Variants in INTS4 observed in about 807,000 individuals in gnomAD.
The protein encoded by INTS4 is integrator complex subunit 4.
A neutral mutation model predicts 119.5 loss-of-function variants in INTS4; 70 were observed. The ratio of observed to expected loss-of-function variants is 0.59; its 90% CI spans 0.48 to 0.71. The LOEUF (loss-of-function observed/expected upper bound fraction) is 0.71, where lower values mean the gene tolerates loss of function less well. INTS4 is among the 30% of genes least tolerant of loss of function. The pLI, the probability that INTS4 is intolerant of heterozygous loss-of-function variation, is 0.00. For synonymous variants in INTS4, 316 were observed against 419.6 expected (o/e 0.75, Z 3.02); for missense variants, 867 against 1,173.2 (o/e 0.74, Z 3.81).
At chr11:77,894,458 T>C (rs1224458086) in intron 18 of INTS4, 109 bp from the exon 19 acceptor site, 6 of 564,670 alleles carry the variant, frequency 1.1e-5, no homozygotes, top group African/African-American at 9.8e-5. Flanking sequence ...CATATTATAC[T>C]ATAAAAATGA....
chr11:77,916,524 T>C (rs1474218652), intron 15 of INTS4, among the ~76,000 whole-genome samples: 1 of 152,230 alleles, frequency 6.6e-6, no homozygotes, highest in Non-Finnish European at 1.5e-5. Context: ...TGTTATTCAG[T>C]GCATGACTGT....
chr11:77,934,951 AG>A (rs2136512149), intron 10 of INTS4, among the ~76,000 whole-genome samples: 1 of 152,338 alleles, frequency 6.6e-6, no homozygotes, highest in African/African-American at 2.4e-5. Context: ...ATGATTTTGT[AG>A]GCACTTTTAA....
At chr11:77,925,613 A>T (rs1953479084) in intron 11 of INTS4, among the ~76,000 whole-genome samples, 1 of 152,246 alleles carries the variant, frequency 6.6e-6, no homozygotes, top group Admixed American at 6.5e-5. Context: ...ATTAAAAGAG[A>T]GGCAAATCGA....
At chr11:77,969,557 AC>A (rs1855631285) in intron 4 of INTS4, among the ~76,000 whole-genome samples, 1 of 152,058 alleles carries the variant, frequency 6.6e-6, no homozygotes, top group Admixed American at 6.6e-5. Flanking sequence ...GTTCTTTTGC[AC>A]AGATGAGGTC....
Position 77,960,333 on chromosome 11 carries a change from TA to T in INTS4, c.708+7del. The T allele has an allele frequency of 6.3e-7, 1 of 1,592,372 alleles. No individual in the cohort carries two copies. Among genetic ancestry groups the T allele is most frequent in the Non-Finnish European group, 8.6e-7 (1 of 1,161,926 alleles). ...CAACCCCTTCCAGACAGTAATCATA[TA>T]AGGTACCTGATTATAAATTGTTTGG... On this transcript the variant is annotated splice_region_variant and intron_variant, in intron 6 of 22. Transcript: ENST00000534064.
intron 6 of INTS4, among the ~76,000 whole-genome samples, chr11:77,959,386 A>T (rs1306094929): frequency 2.6e-5 from 4 of 152,124 alleles, no homozygotes; most frequent in Admixed American, 2.6e-4. Context: ...TTTATACTCA[A>T]CACACGCAAA....
intron 4 of INTS4, among the ~76,000 whole-genome samples, chr11:77,974,727 A>T (rs1391060316): frequency 6.6e-6 from 1 of 151,172 alleles, no homozygotes; most frequent in Admixed American, 6.6e-5. Flanking sequence ...TCAGCCTCCC[A>T]GGTAGCTGGA....
intron 16 of INTS4, among the ~76,000 whole-genome samples, chr11:77,904,344 C>T (rs547972287): frequency 6.6e-6 from 1 of 152,058 alleles, no homozygotes; most frequent in Non-Finnish European, 1.5e-5. Flanking sequence ...CTCGTAGCCA[C>T]GGTTTTTAAA....
chr11:77,944,953 C>T (rs1298145580), intron 8 of INTS4, among the ~76,000 whole-genome samples: 4 of 152,076 alleles, frequency 2.6e-5, no homozygotes, highest in Non-Finnish European at 5.9e-5. Flanking sequence ...AATGGCTCAC[C>T]AGAGTTACCT....
At position 77,926,833 on chromosome 11, in the gene INTS4, GAAAGGAAAGGAA is replaced by G. The variant is rs200334745; in HGVS notation, c.1371+1497_1371+1508del. ...CCTCAAAAAAAAAAAAAAAGGAAAG[GAAAGGAAAGGAA>G]AAAGGAAAGGAAAGGAAAAGAAAAG... is the stretch of plus-strand genomic sequence containing the variant. On this transcript the variant is annotated intron_variant, in intron 11 of 22. Transcript: ENST00000534064. Among the ~76,000 whole-genome samples, 611 of 150,030 alleles carry G rather than the reference GAAAGGAAAGGAA, an allele frequency of 4.1e-3. 19 individuals are homozygous for G. In the East Asian group the frequency reaches 0.052, roughly 13 times the overall value.
chr11:77,990,061 CAAA>C, intron 2 of INTS4, among the ~76,000 whole-genome samples: 1 of 151,022 alleles, frequency 6.6e-6, no homozygotes, highest in East Asian at 2.0e-4. Context: ...ACTAAAAATA[CAAA>C]AAAAATTAGC....
At position 77,994,599 on chromosome 11, in the gene INTS4, T is replaced by C. The variant is rs778634646; in HGVS notation, c.45A>G (p.Lys15=). Residue 15 remains lysine (K), a synonymous_variant, in exon 1 of 23, where the codon AAA becomes AAG. Transcript: ENST00000534064. ...LKKRVYEEFT[K]VVQPQEEIAT... ...TCCCGCCAGAGCTTACCTGAACCAC[T>C]TTCGTGAATTCCTCATAAACCCGCT... 1.3e-5 allele frequency: 21 copies of C among 1,613,592 alleles called. No homozygotes were observed. The South Asian group carries it at 2.2e-4, about 17-fold the overall frequency.
chr11:77,900,635 T>C (rs1238472471), intron 18 of INTS4: 1 of 700,290 alleles, frequency 1.4e-6, no homozygotes, highest in Non-Finnish European at 2.6e-6. Flanking sequence ...CTTTTTTGTA[T>C]CAAATCTATG....
chr11:77,994,559 T>C, intron 1 of INTS4, 31 bp downstream of exon 1: 2 of 1,535,528 alleles, frequency 1.3e-6, no homozygotes, highest in Non-Finnish European at 1.8e-6. Flanking sequence ...CTGGTCCGGA[T>C]CGGTTCTGGA....
chr11:77,969,572 T>C (rs912088105), intron 4 of INTS4, among the ~76,000 whole-genome samples: 1 of 152,022 alleles, frequency 6.6e-6, no homozygotes, highest in African/African-American at 2.4e-5. Context: ...TGAGGTCTCA[T>C]TGTGTTGCTC....
At chr11:77,974,880 A>G (rs1855883431) in intron 4 of INTS4, among the ~76,000 whole-genome samples, 1 of 152,172 alleles carries the variant, frequency 6.6e-6, no homozygotes, top group Non-Finnish European at 1.5e-5. Context: ...GATTACAGAC[A>G]TAAGCCACCG....
intron 4 of INTS4, among the ~76,000 whole-genome samples, chr11:77,967,206 C>T (rs778963827): frequency 3.9e-5 from 6 of 152,194 alleles, no homozygotes; most frequent in Non-Finnish European, 8.8e-5. Flanking sequence ...AAAAGAAATG[C>T]AATACATTAT....
At chr11:77,925,626 T>C (rs1453385454) in intron 11 of INTS4, among the ~76,000 whole-genome samples, 1 of 152,224 alleles carries the variant, frequency 6.6e-6, no homozygotes, top group Non-Finnish European at 1.5e-5. Context: ...CAAATCGAAA[T>C]GTCACTCCTA....
chr11:77,978,201 C>T (rs1856031354), intron 4 of INTS4: 1 of 151,918 alleles, frequency 6.6e-6, no homozygotes, highest in South Asian at 2.1e-4. Flanking sequence ...CCTATTTAAG[C>T]TTTTAGTATT....
Sources: gnomAD v4.1 joint callset for allele counts (sites outside exome capture counted in the v4.1 genomes callset) on GRCh38, gnomAD v4.1.1 for gene constraint, MANE v1.5 for transcripts, NCBI Gene and HGNC (gene_info 2026-07-23, HGNC 2026-07-21) for gene names.